VPS50: variants seen among roughly 807,000 people sequenced by gnomAD.
The protein encoded by VPS50 is syndetin.
Under a neutral mutation model 139.7 loss-of-function variants are expected in VPS50, and 70 were observed. The ratio of observed to expected loss-of-function variants is 0.50; its 90% CI spans 0.41 to 0.61. The LOEUF (loss-of-function observed/expected upper bound fraction) is 0.61. VPS50 is among the 20% of genes least tolerant of loss of function. VPS50 has a pLI of 0.00. For missense variants in VPS50, 921 were observed against 1,133.7 expected, an observed-to-expected ratio of 0.81 and a Z score of 2.69; for synonymous variants, 365 against 376.7, an observed-to-expected ratio of 0.97 and a Z score of 0.36.
chr7:93,334,039 A>G (rs1584480269), intron 21 of VPS50, 78 bp from the exon 22 acceptor site: 1 of 848,172 alleles, frequency 1.2e-6, no homozygotes, highest in Non-Finnish European at 2.0e-6. Context: ...AAACTCATCA[A>G]ATATCTTGGT....
intron 20 of VPS50, among the ~76,000 whole-genome samples, chr7:93,312,126 A>G (rs1450292844): frequency 2.0e-5 from 3 of 152,268 alleles, no homozygotes; most frequent in African/African-American, 4.8e-5. Context: ...GCTTTTTAGG[A>G]GTCACGGTTT....
At chr7:93,242,659 C>T (rs1158544468) in intron 2 of VPS50, among the ~76,000 whole-genome samples, 2 of 151,894 alleles carry the variant, frequency 1.3e-5, no homozygotes. Context: ...AATAGCTCTG[C>T]CTCACTTATA....
chr7:93,339,330 TAA>T (rs772980449), intron 22 of VPS50, among the ~76,000 whole-genome samples: 17 of 136,126 alleles, frequency 1.2e-4, no homozygotes, highest in East Asian at 2.1e-4. Context: ...AGATAGGAAA[TAA>T]AAAAAAAAAA....
At chr7:93,318,835 AAAC>A (rs1236568633) in intron 20 of VPS50, among the ~76,000 whole-genome samples, 1 of 152,226 alleles carries the variant, frequency 6.6e-6, no homozygotes, top group African/African-American at 2.4e-5. Flanking sequence ...CTGTACAAAC[AAAC>A]AACATCGGTT....
rs114229047 is a variant in VPS50 at position 93,335,017 on chromosome 7, A to G, written c.2058+820A>G. 3.5e-3 allele frequency among the ~76,000 whole-genome samples: 539 copies of G among 152,224 alleles called. 6 individuals are homozygous for G. The highest frequency in any genetic ancestry group is 0.012 in the African/African-American group (515 of 41,554). On this transcript the variant is annotated intron_variant, in intron 22 of 27. Coordinates refer to ENST00000305866, the MANE Select transcript of VPS50 (RefSeq NM_017667.4). ...TCTATATTATGTGCTTACCTCTGTT[A>G]TTGAAGCTTTTTATAAAGCCATGAT...
rs557619594 is a variant in VPS50 at position 93,360,023 on chromosome 7, T to C, written c.*1587T>C. The C allele has an allele frequency of 3.9e-5, 6 of 152,318 alleles. No homozygotes were observed. The highest frequency in any genetic ancestry group is 1.4e-4 in the African/African-American group (6 of 41,590). The allele number at this position is 152,318 out of a possible 1,614,324, so 9.4% of individuals were successfully genotyped here. On this transcript the variant is annotated 3_prime_UTR_variant, in exon 28 of 28. Coordinates refer to ENST00000305866, the MANE Select transcript of VPS50 (RefSeq NM_017667.4). ...AAGTAGATTCTGCCTGTAGCCATTA[T>C]TTATATGCAGCCACTTGAAGAAAAC...
At chr7:93,247,664 A>G (rs1237771675) in intron 2 of VPS50, among the ~76,000 whole-genome samples, 1 of 151,776 alleles carries the variant, frequency 6.6e-6, no homozygotes, top group Non-Finnish European at 1.5e-5. Context: ...TATTTTAACA[A>G]CTGTTTGAGG....
In VPS50 at chr7:93,258,275, T is replaced by G. The variant is rs1197959731; in HGVS notation, c.539T>G (p.Leu180Trp). The G allele has an allele frequency of 1.3e-6, 2 of 1,550,304 alleles. No homozygotes were observed. Among genetic ancestry groups the G allele is most frequent in the African/African-American group, 1.4e-5 (1 of 73,568 alleles). The change falls in exon 7 of 28, where the codon TTG becomes TGG. Residue 180 changes from leucine to tryptophan, a missense_variant and splice_region_variant. This residue lies in a region of VPS50 where 744 missense variants were observed against 930.6 expected (regional missense o/e 0.80). Coordinates refer to ENST00000305866, the MANE Select transcript of VPS50 (RefSeq NM_017667.4). Reference protein sequence around the residue: ...LLKSLRTIKTLQRTDVRLSEM... With the variant: ...LLKSLRTIKTWQRTDVRLSEM... Reference sequence around the variant, plus strand: ...AAATCTCTGAGAACTATAAAAACATTGGTATATATGGGTCATTTAAAAAAA... The same window carrying G: ...AAATCTCTGAGAACTATAAAAACATGGGTATATATGGGTCATTTAAAAAAA...
chr7:93,351,828 C>T (rs1302299175), intron 25 of VPS50, among the ~76,000 whole-genome samples: 1 of 152,160 alleles, frequency 6.6e-6, no homozygotes, highest in Non-Finnish European at 1.5e-5. Flanking sequence ...TTTCTGTGCT[C>T]AACAGATACA....
chr7:93,277,419 A>G (rs1333563730), intron 12 of VPS50, among the ~76,000 whole-genome samples: 2 of 152,214 alleles, frequency 1.3e-5, no homozygotes, highest in African/African-American at 4.8e-5. Context: ...TCAGGAAATT[A>G]TAACACTTCT....
chr7:93,265,143 T>A (rs555157266), intron 9 of VPS50, among the ~76,000 whole-genome samples: 165 of 151,982 alleles, frequency 1.1e-3, no homozygotes, highest in Non-Finnish European at 1.5e-3. Flanking sequence ...ACTAATTTTT[T>A]AAAAATAATT....
intron 10 of VPS50, 110 bp from the exon 11 acceptor site, chr7:93,272,525 A>C (rs1796039769): frequency 2.1e-6 from 1 of 475,234 alleles, no homozygotes; most frequent in Admixed American, 4.1e-5. Flanking sequence ...ATGATAGTAA[A>C]TGTATTTAAA....
chr7:93,349,842 T>C (rs1485257812), intron 24 of VPS50, 33 bp from the exon 25 acceptor site: 1 of 1,573,380 alleles, frequency 6.4e-7, no homozygotes. Flanking sequence ...TTTTAGAAAA[T>C]AATTGTTTTC....
chr7:93,267,214 C>T (rs755236659), intron 9 of VPS50, among the ~76,000 whole-genome samples: 5 of 152,170 alleles, frequency 3.3e-5, no homozygotes, highest in Admixed American at 6.5e-5. Context: ...CTGAATTACT[C>T]ATTATTCCAC....
At chr7:93,312,895 T>C (rs1322229092) in intron 20 of VPS50, among the ~76,000 whole-genome samples, 1 of 152,130 alleles carries the variant, frequency 6.6e-6, no homozygotes, top group Non-Finnish European at 1.5e-5. Context: ...CCTTCTAGAC[T>C]CAGCAGTTTT....
At chr7:93,305,580 G>A (rs895708729) in intron 17 of VPS50, among the ~76,000 whole-genome samples, 4 of 151,780 alleles carry the variant, frequency 2.6e-5, no homozygotes, top group African/African-American at 9.7e-5. Flanking sequence ...CTTAAAGGAA[G>A]CCAAAAGTAG....
At chr7:93,305,141 T>G (rs1797079344) in intron 17 of VPS50, among the ~76,000 whole-genome samples, 1 of 151,916 alleles carries the variant, frequency 6.6e-6, no homozygotes, top group Admixed American at 6.6e-5. Flanking sequence ...TAGAGATTAT[T>G]CCAACTTTTC....
chr7:93,262,929 TAG>T (rs1795729093), intron 9 of VPS50, among the ~76,000 whole-genome samples: 1 of 152,230 alleles, frequency 6.6e-6, no homozygotes, highest in African/African-American at 2.4e-5. Flanking sequence ...GATATAAGGA[TAG>T]AGTTAGTTGA....
intron 26 of VPS50, among the ~76,000 whole-genome samples, chr7:93,354,821 A>G (rs552859843): frequency 3.7e-4 from 56 of 152,296 alleles, no homozygotes; most frequent in Non-Finnish European, 6.8e-4. Flanking sequence ...TGAGAAGCGA[A>G]CAGCTATTTC....
Sources: gnomAD v4.1 joint callset for allele counts (sites outside exome capture counted in the v4.1 genomes callset) on GRCh38, gnomAD v4.1.1 for gene constraint, gnomAD v4.1.1 regional missense constraint, MANE v1.5 for transcripts, NCBI Gene and HGNC (gene_info 2026-07-23, HGNC 2026-07-21) for gene names.